PRND: variants seen among roughly 807,000 people sequenced by gnomAD.
The protein encoded by PRND is prion like protein doppel.
For synonymous variants in PRND, 94 were observed against 93.2 expected (o/e 1.01, Z -0.05); for missense variants, 227 against 223.3 (o/e 1.02, Z -0.11).
In PRND at chr20:4,724,620, G is replaced by C; in HGVS notation, c.69G>C (p.Ala23=). 1 of 1,614,142 alleles carries C rather than the reference G, an allele frequency of 6.2e-7. No homozygotes were observed. Among genetic ancestry groups the C allele is most frequent in the Non-Finnish European group, 8.5e-7 (1 of 1,180,036 alleles). ...VCMLLFSHLS[A]VQTRGIKHRI... ...TGCTGCTCTTCAGCCACCTCTCTGC[G>C]GTCCAGACGAGGGGCATCAAGCACA... The change falls in exon 2 of 2, where the codon GCG becomes GCC. Residue 23 remains alanine, a synonymous_variant. Transcript: ENST00000305817. The surrounding 1 kb of genome is among the most constrained non-coding windows in gnomAD (Gnocchi z 4.8).
At chr20:4,723,311 T>C (rs6084847) in intron 1 of PRND, among the ~76,000 whole-genome samples, 44,921 of 152,134 alleles carry the variant, frequency 0.3, 7,102 homozygotes, top group Middle Eastern at 0.41. Context: ...ATAATGTACC[T>C]ACTCTATGTG....
rs1378473892 is a variant in PRND at position 4,725,646 on chromosome 20, C to T, written c.*564C>T. On this transcript the variant is annotated 3_prime_UTR_variant, in exon 2 of 2. Coordinates refer to ENST00000305817, the MANE Select transcript of PRND (RefSeq NM_012409.4). ...CTCCATGTTTAGAAATAAATGAAAA[C>T]ACCTGAGCTGGTGGCTGTGTACTTT... 2.9e-5 allele frequency: 5 copies of T among 170,454 alleles called. No homozygotes were observed. Among genetic ancestry groups the T allele is most frequent in the African/African-American group, 1.2e-4 (5 of 41,392 alleles). The allele number at this position is 170,454 out of a possible 1,614,324, so 10.6% of individuals were successfully genotyped here. A position where few individuals can be genotyped will look rare whatever the true frequency, so the allele number is the denominator to read the frequency against.
intron 1 of PRND, among the ~76,000 whole-genome samples, 166 bp downstream of exon 1, chr20:4,722,135 C>A (rs2756266): frequency 0.93 from 141,840 of 152,290 alleles, 66,214 homozygotes; most frequent in East Asian, 1. Flanking sequence ...TTGCCTTTCT[C>A]TAAGTTGGTG....
chr20:4,722,353 A>G (rs568322665), intron 1 of PRND, among the ~76,000 whole-genome samples: 1 of 151,992 alleles, frequency 6.6e-6, no homozygotes, highest in Admixed American at 6.6e-5. Flanking sequence ...TATTTAGGAG[A>G]CTAATGAATA....
At chr20:4,722,639 A>G (rs920947370) in intron 1 of PRND, among the ~76,000 whole-genome samples, 1 of 151,976 alleles carries the variant, frequency 6.6e-6, no homozygotes, top group African/African-American at 2.4e-5. Flanking sequence ...TCAGAGGAAC[A>G]TTAGCCACTT....
intron 1 of PRND, among the ~76,000 whole-genome samples, chr20:4,723,530 CCT>C (rs1923163826): frequency 6.6e-6 from 1 of 152,114 alleles, no homozygotes; most frequent in African/African-American, 2.4e-5. Context: ...CCTTCCTCCT[CCT>C]CTCTCTCTCA....
rs1923229614 is a variant in PRND at position 4,725,226 on chromosome 20, T to A, written c.*144T>A. On this transcript the variant is annotated 3_prime_UTR_variant, in exon 2 of 2. Coordinates refer to ENST00000305817, the MANE Select transcript of PRND (RefSeq NM_012409.4). Reference sequence around the variant, plus strand: ...GCACTGCAAATGCCGCTCTCACGTATGCGCCCTGGTATGTGCCTGCGTTCT... The same window carrying A: ...GCACTGCAAATGCCGCTCTCACGTAAGCGCCCTGGTATGTGCCTGCGTTCT... 1 of 994,742 alleles carries A rather than the reference T, an allele frequency of 1.0e-6. No individual in the cohort carries two copies. Among genetic ancestry groups the A allele is most frequent in the South Asian group, 1.6e-5 (1 of 61,788 alleles). 61.6% of individuals were successfully genotyped at this position (994,742 alleles called of 1,614,324 possible). A position where few individuals can be genotyped will look rare whatever the true frequency, so the allele number is the denominator to read the frequency against.
chr20:4,727,029 G>A lies in PRND; in HGVS notation c.*1947G>A, dbSNP rs1233115352. The A allele has an allele frequency of 1.2e-5, 2 of 167,008 alleles. No individual in the cohort carries two copies. Among genetic ancestry groups the A allele is most frequent in the East Asian group, 1.9e-4 (1 of 5,192 alleles). The allele number at this position is 167,008 out of a possible 1,614,324, so 10.3% of individuals were successfully genotyped here. A position where few individuals can be genotyped will look rare whatever the true frequency, so the allele number is the denominator to read the frequency against. On this transcript the variant is annotated 3_prime_UTR_variant, in exon 2 of 2. Transcript: ENST00000305817. The stretch of plus-strand genomic sequence containing the variant: ...AAAAAGTACAGAACATATCCTCTAC[G>A]GTTATTTCCTGCTTTCTAATTAAAA...
chr20:4,724,500 AGGCCT>A lies in PRND; in HGVS notation c.-11-38_-11-34del. The stretch of plus-strand genomic sequence containing the variant: ...TGGGAGGGGGCAGGGGAGCCCAGGC[AGGCCT>A]GGTGGGGAGCTGACCCACCGCCGTT... On this transcript the variant is annotated intron_variant, in intron 1 of 1. Transcript: ENST00000305817. This position sits in a 1 kb window ranked among gnomAD's most constrained non-coding sequence, Gnocchi z 4.8. 6.2e-7 allele frequency: 1 copy of A among 1,611,314 alleles called. No individual in the cohort carries two copies. The highest frequency in any genetic ancestry group is 1.1e-5 in the South Asian group (1 of 90,990).
rs56927628 is a variant in PRND, at chr20:4,724,105, T to TACAC, written c.-11-416_-11-413dup. ...ATATATGTGTATATATATACGTGTA[T>TACAC]ACACACACACACACACACACACATA... On this transcript the variant is annotated intron_variant, in intron 1 of 1. Transcript: ENST00000305817. The surrounding 1 kb of genome is among the most constrained non-coding windows in gnomAD (Gnocchi z 4.8). Among the ~76,000 whole-genome samples the TACAC allele has an allele frequency of 0.011, 1,695 of 148,370 alleles. 30 individuals carry two copies. Among genetic ancestry groups the TACAC allele is most frequent in the African/African-American group, 0.039 (1,593 of 40,374 alleles).
Position 4,725,214 on chromosome 20 carries a change from C to T in PRND, c.*132C>T, listed in dbSNP as rs1601038882. 12 of 1,180,192 alleles carry T rather than the reference C, an allele frequency of 1.0e-5. No homozygotes were observed. Among genetic ancestry groups the T allele is most frequent in the East Asian group, 5.1e-5 (2 of 39,024 alleles). 73.1% of individuals were successfully genotyped at this position (1,180,192 alleles called of 1,614,324 possible). ...GGCGATGCACTCGCACTGCAAATGC[C>T]GCTCTCACGTATGCGCCCTGGTATG... On this transcript the variant is annotated 3_prime_UTR_variant, in exon 2 of 2. Coordinates refer to ENST00000305817, the MANE Select transcript of PRND (RefSeq NM_012409.4).
intron 1 of PRND, among the ~76,000 whole-genome samples, chr20:4,722,340 C>T (rs1568542007): frequency 6.6e-6 from 1 of 151,884 alleles, no homozygotes; most frequent in East Asian, 1.9e-4. Context: ...TGGAGTATGG[C>T]CCTATTTAGG....
At position 4,725,131 on chromosome 20, in the gene PRND, G is replaced by A; in HGVS notation, c.*49G>A. On this transcript the variant is annotated 3_prime_UTR_variant, in exon 2 of 2. Transcript: ENST00000305817. ...AGAGTGCAGCAGCGAGCAAATCCTGGCAAGTGACCCAGCTCTTCTCCCCCA... is the reference window on the plus strand; with the variant it reads ...AGAGTGCAGCAGCGAGCAAATCCTGACAAGTGACCCAGCTCTTCTCCCCCA... 1 of 1,579,524 alleles carries A rather than the reference G, an allele frequency of 6.3e-7. No homozygotes were observed. The highest frequency in any genetic ancestry group is 8.6e-7 in the Non-Finnish European group (1 of 1,162,532).
In PRND at chr20:4,724,832, G is replaced by A. The variant is rs1200517743; in HGVS notation, c.281G>A (p.Cys94Tyr). ...QFPDGIHYNG[C>Y]SEANVTKEAF... Reference sequence around the variant, plus strand: ...CCCGATGGCATCCACTACAACGGCTGCTCTGAGGCTAATGTGACCAAGGAG... The same window carrying A: ...CCCGATGGCATCCACTACAACGGCTACTCTGAGGCTAATGTGACCAAGGAG... Residue 94 changes from cysteine to tyrosine, a missense_variant, in exon 2 of 2, where the codon TGC becomes TAC. Cys to Tyr is a radical substitution (Grantham distance 194). Transcript: ENST00000305817. The surrounding 1 kb of genome is among the most constrained non-coding windows in gnomAD (Gnocchi z 4.8). 6 of 1,614,214 alleles carry A rather than the reference G, an allele frequency of 3.7e-6. No individual in the cohort carries two copies. Among genetic ancestry groups the A allele is most frequent in the Non-Finnish European group, 5.1e-6 (6 of 1,180,032 alleles).
Position 4,728,226 on chromosome 20 carries a change from C to G in PRND, c.*3144C>G, listed in dbSNP as rs188002627. 1 of 166,430 alleles carries G rather than the reference C, an allele frequency of 6.0e-6. No homozygotes were observed. The highest frequency in any genetic ancestry group is 2.4e-5 in the African/African-American group (1 of 41,328). The allele number at this position is 166,430 out of a possible 1,614,324, so 10.3% of individuals were successfully genotyped here. ...AACTTGATTATGCCTTTTAAAAATA[C>G]TATGTATGTAAAATATTTATTCATC... On this transcript the variant is annotated 3_prime_UTR_variant, in exon 2 of 2. Transcript: ENST00000305817.
intron 1 of PRND, among the ~76,000 whole-genome samples, chr20:4,722,465 C>T (rs1052343273): frequency 4.0e-5 from 6 of 151,600 alleles, no homozygotes; most frequent in African/African-American, 1.5e-4. Flanking sequence ...TCATAGCCAC[C>T]CTGGGACAAA....
At position 4,724,954 on chromosome 20, in the gene PRND, C is replaced by T; in HGVS notation, c.403C>T (p.Leu135=). ...GCTCCACCAGCAGGTGCTCTGGCGG[C>T]TGGTCCAGGAGCTCTGCTCCCTCAA... ...NKLHQQVLWR[L]VQELCSLKHC... Residue 135 remains leucine (L), a synonymous_variant, in exon 2 of 2, where the codon CTG becomes TTG. Coordinates refer to ENST00000305817, the MANE Select transcript of PRND (RefSeq NM_012409.4). This position sits in a 1 kb window ranked among gnomAD's most constrained non-coding sequence, Gnocchi z 4.8. 3 of 1,614,138 alleles carry T rather than the reference C, an allele frequency of 1.9e-6. No homozygotes were observed. Among genetic ancestry groups the T allele is most frequent in the Non-Finnish European group, 2.5e-6 (3 of 1,180,038 alleles).
chr20:4,722,818 G>A (rs371578622), intron 1 of PRND, among the ~76,000 whole-genome samples: 5 of 152,252 alleles, frequency 3.3e-5, no homozygotes, highest in Middle Eastern at 3.4e-3. Context: ...ATCCACACAG[G>A]CAAAGACCCA....
rs973984951 is a variant in PRND, at chr20:4,727,259, C to T, written c.*2177C>T. On this transcript the variant is annotated 3_prime_UTR_variant, in exon 2 of 2. Transcript: ENST00000305817. ...TGCCTTTTCTCATTCTGTTAATAGT[C>T]CCGGCAACCAGATTTCAGTGGGGCA... is the stretch of plus-strand genomic sequence containing the variant. 19 of 167,004 alleles carry T rather than the reference C, an allele frequency of 1.1e-4. No individual in the cohort carries two copies. Among genetic ancestry groups the T allele is most frequent in the African/African-American group, 4.3e-4 (18 of 41,408 alleles). The allele number at this position is 167,004 out of a possible 1,614,324, so 10.3% of individuals were successfully genotyped here.
Sources: allele counts gnomAD v4.1 joint callset (sites outside exome capture counted in the v4.1 genomes callset), GRCh38; gene constraint gnomAD v4.1.1; non-coding constraint Gnocchi (gnomAD v3.1); transcripts MANE v1.5; gene names NCBI Gene and HGNC (gene_info 2026-07-23, HGNC 2026-07-21).